The following GJB7 variants were observed in gnomAD, a reference collection of about 807,000 sequenced individuals.
The protein encoded by GJB7 is gap junction beta-7 protein.
For missense variants in GJB7, 253 were observed against 256.8 expected (o/e 0.99, Z 0.10); for synonymous variants, 87 against 95.2 (o/e 0.91, Z 0.50).
intron 2 of GJB7, among the ~76,000 whole-genome samples, chr6:87,321,671 T>G (rs1776665115): frequency 6.6e-6 from 1 of 152,102 alleles, no homozygotes; most frequent in South Asian, 2.1e-4. Context: ...TTTGTATTAG[T>G]CTCTTCTCAC....
intron 2 of GJB7, chr6:87,299,463 A>G: frequency 2.3e-6 from 1 of 441,738 alleles, no homozygotes; most frequent in Non-Finnish European, 4.5e-6. Flanking sequence ...AGAAATGTGA[A>G]TTCCAGGATG....
intron 2 of GJB7, among the ~76,000 whole-genome samples, chr6:87,289,647 T>C (rs925313805): frequency 6.6e-6 from 1 of 152,208 alleles, no homozygotes; most frequent in Admixed American, 6.5e-5. Flanking sequence ...TGTGCCTGAC[T>C]TTCTGAACTT....
intron 2 of GJB7, among the ~76,000 whole-genome samples, chr6:87,315,194 C>T (rs1376949060): frequency 1.3e-5 from 2 of 152,274 alleles, no homozygotes; most frequent in Non-Finnish European, 2.9e-5. Flanking sequence ...GTGAAGTGGG[C>T]GTCTGCTGAT....
intron 2 of GJB7, among the ~76,000 whole-genome samples, chr6:87,316,105 AG>A (rs1776580958): frequency 6.6e-6 from 1 of 152,208 alleles, no homozygotes; most frequent in South Asian, 2.1e-4. Flanking sequence ...CAGTTGGCCA[AG>A]GAACAAGAAA....
chr6:87,315,394 G>A (rs1378573790), intron 2 of GJB7, among the ~76,000 whole-genome samples: 2 of 152,176 alleles, frequency 1.3e-5, no homozygotes, highest in Non-Finnish European at 2.9e-5. Flanking sequence ...TTGATATATG[G>A]GTGATAGGGA....
At chr6:87,302,190 C>T (rs374002425) in intron 2 of GJB7, among the ~76,000 whole-genome samples, 6 of 152,128 alleles carry the variant, frequency 3.9e-5, no homozygotes, top group African/African-American at 1.2e-4. Flanking sequence ...GTGACTTTGA[C>T]GAGTTGAGAG....
At chr6:87,298,985 G>T in intron 2 of GJB7, 1 of 471,788 alleles carries the variant, frequency 2.1e-6, no homozygotes, top group South Asian at 1.6e-5. Context: ...AACAAAAGAT[G>T]GTGTGACTGT....
At chr6:87,328,730 G>C (rs1250669062) in intron 1 of GJB7, among the ~76,000 whole-genome samples, 2 of 152,214 alleles carry the variant, frequency 1.3e-5, no homozygotes, top group African/African-American at 4.8e-5. Context: ...GCCCCCAGAG[G>C]TGGAGCCTAC....
At chr6:87,326,650 G>C (rs1173057964) in intron 1 of GJB7, among the ~76,000 whole-genome samples, 1 of 139,392 alleles carries the variant, frequency 7.2e-6, no homozygotes, top group African/African-American at 2.8e-5. Flanking sequence ...TATAATTTCT[G>C]TTCTTTTACA....
intron 2 of GJB7, among the ~76,000 whole-genome samples, chr6:87,297,562 C>T (rs1776264830): frequency 1.3e-5 from 2 of 152,060 alleles, no homozygotes; most frequent in South Asian, 4.1e-4. Flanking sequence ...TAATAAAAAG[C>T]ACATTTTAAA....
chr6:87,316,434 T>C (rs1776585810), intron 2 of GJB7, among the ~76,000 whole-genome samples: 1 of 152,168 alleles, frequency 6.6e-6, no homozygotes, highest in Non-Finnish European at 1.5e-5. Flanking sequence ...GGCTGAGCTA[T>C]GGGAGTGATG....
At chr6:87,313,446 A>G (rs2127908532) in intron 2 of GJB7, among the ~76,000 whole-genome samples, 1 of 152,332 alleles carries the variant, frequency 6.6e-6, no homozygotes, top group South Asian at 2.1e-4. Context: ...AATCTTCCCA[A>G]AATCTCTGTA....
chr6:87,324,817 G>A lies in GJB7; in HGVS notation c.-205-1774C>T, dbSNP rs576973593. On this transcript the variant is annotated intron_variant, in intron 1 of 2. Coordinates refer to ENST00000525899, the MANE Select transcript of GJB7 (RefSeq NM_198568.3). ...TCCAATTCTATGAAGAAAGACATTG[G>A]TAGCTTGATGGGGATGGCATTGAAT... Among the ~76,000 whole-genome samples the A allele has an allele frequency of 4.7e-3, 717 of 152,288 alleles. 5 individuals are homozygous for A. Among genetic ancestry groups the A allele is most frequent in the African/African-American group, 0.016 (668 of 41,546 alleles).
intron 2 of GJB7, chr6:87,299,519 C>T (rs1182987081): frequency 6.2e-6 from 2 of 322,452 alleles, no homozygotes; most frequent in Non-Finnish European, 1.2e-5. Context: ...GTCCAGACCA[C>T]TGTACCTGCT....
chr6:87,292,910 C>CGGG (rs1776199288), intron 2 of GJB7, among the ~76,000 whole-genome samples: 1 of 152,246 alleles, frequency 6.6e-6, no homozygotes, highest in Admixed American at 6.5e-5. Context: ...CATCCACAAA[C>CGGG]CATGTGAGTT....
At chr6:87,292,430 G>A (rs1415748799) in intron 2 of GJB7, among the ~76,000 whole-genome samples, 1 of 152,074 alleles carries the variant, frequency 6.6e-6, no homozygotes, top group African/African-American at 2.4e-5. Context: ...AAAGGGCATA[G>A]TTTTCATTTT....
intron 2 of GJB7, among the ~76,000 whole-genome samples, chr6:87,287,704 CA>C (rs765876253): frequency 1.3e-4 from 20 of 151,970 alleles, no homozygotes; most frequent in Non-Finnish European, 2.8e-4. Context: ...CTGTATTACT[CA>C]AGAGGATATT....
At chr6:87,304,597 C>A (rs1359668548) in intron 2 of GJB7, among the ~76,000 whole-genome samples, 3 of 152,128 alleles carry the variant, frequency 2.0e-5, no homozygotes, top group Admixed American at 6.5e-5. Context: ...ACCAGAGGTA[C>A]AAGGAGGAGT....
chr6:87,302,257 C>T (rs973984622), intron 2 of GJB7, among the ~76,000 whole-genome samples: 2 of 151,616 alleles, frequency 1.3e-5, no homozygotes, highest in South Asian at 2.1e-4. Context: ...TCGAATGCAT[C>T]GCAAAGAAGC....
Sources: allele counts gnomAD v4.1 joint callset (sites outside exome capture counted in the v4.1 genomes callset), GRCh38; gene constraint gnomAD v4.1.1; transcripts MANE v1.5; gene names NCBI Gene and HGNC (gene_info 2026-07-23, HGNC 2026-07-21).